LPIN1: variants seen among roughly 807,000 people sequenced by gnomAD.
LPIN1 encodes phosphatidate phosphatase LPIN1.
LPIN1 carries 71 observed loss-of-function variants against 107.5 expected under a neutral mutation model. The ratio of observed to expected loss-of-function variants is 0.66; its 90% confidence interval spans 0.55 to 0.80. The LOEUF (loss-of-function observed/expected upper bound fraction) is 0.80, where lower values mean the gene tolerates loss of function less well. Among genes scored for constraint, LPIN1 ranks in the 30% least tolerant of loss-of-function variants. LPIN1 has a pLI of 0.00. For missense variants in LPIN1, 1,043 were observed against 1,160.6 expected (o/e 0.90, Z 1.47); for synonymous variants, 445 against 452.6 (o/e 0.98, Z 0.21).
intron 1 of LPIN1, among the ~76,000 whole-genome samples, chr2:11,704,323 G>A (rs1329386713): frequency 6.6e-6 from 1 of 152,238 alleles, no homozygotes; most frequent in African/African-American, 2.4e-5. Context: ...TGAAGCTTAA[G>A]CCTTCCATAT....
chr2:11,784,799 C>T lies in LPIN1; in HGVS notation c.1359-87C>T, dbSNP rs570638704. On this transcript the variant is annotated intron_variant, in intron 9 of 20. Coordinates refer to ENST00000674199, the MANE Select transcript of LPIN1 (RefSeq NM_001349206.2). ...AGCCGTCTGCGGCTCTGAGGGTGGCCGCGTGCCAGAGCATCACTGGATGGT... is the reference window on the plus strand; with the variant it reads ...AGCCGTCTGCGGCTCTGAGGGTGGCTGCGTGCCAGAGCATCACTGGATGGT... 194 of 1,271,330 alleles carry T rather than the reference C, an allele frequency of 1.5e-4. 1 individual carries two copies. Among genetic ancestry groups the T allele is most frequent in the South Asian group, 3.0e-4 (25 of 84,078 alleles). The allele number at this position is 1,271,330 out of a possible 1,614,324, so 78.8% of individuals were successfully genotyped here.
chr2:11,802,401 ATTGG>A (rs1253490662), intron 14 of LPIN1, among the ~76,000 whole-genome samples: 4 of 152,166 alleles, frequency 2.6e-5, no homozygotes, highest in Admixed American at 2.6e-4. Context: ...TGAGAGAAGA[ATTGG>A]TGAGTCTTTC....
At chr2:11,713,309 T>C (rs1224677842) in intron 1 of LPIN1, among the ~76,000 whole-genome samples, 1 of 152,250 alleles carries the variant, frequency 6.6e-6, no homozygotes, top group Non-Finnish European at 1.5e-5. Context: ...TTCACTCTTT[T>C]GCTCAGGCTG....
chr2:11,743,049 G>C (rs966826529), upstream of LPIN1, among the ~76,000 whole-genome samples: 1 of 152,192 alleles, frequency 6.6e-6, no homozygotes, highest in Non-Finnish European at 1.5e-5. The surrounding 1 kb of genome is among the most constrained non-coding windows in gnomAD (Gnocchi z 4.7). Flanking sequence ...ATCAGTGCAC[G>C]GCCCTTCAGT....
chr2:11,795,478 T>C lies in LPIN1; in HGVS notation c.1877T>C (p.Leu626Ser), dbSNP rs773212266. Reference protein sequence around the residue: ...STGEQPPQLSLATRVKHESSS... With the variant: ...STGEQPPQLSSATRVKHESSS... ...GGAGAGCAACCGCCGCAGCTCAGCT[T>C]GGCCACCAGGTGCGGTAGGAGGCTT... The change falls in exon 14 of 21, where the codon TTG (leucine) becomes TCG (serine). Residue 626 changes from leucine (L) to serine (S), a missense_variant. Leu to Ser is a moderately radical substitution (Grantham distance 145). Coordinates refer to ENST00000674199, the MANE Select transcript of LPIN1 (RefSeq NM_001349206.2). The C allele has an allele frequency of 6.2e-7, 1 of 1,614,142 alleles. No homozygotes were observed. The highest frequency in any genetic ancestry group is 1.1e-5 in the South Asian group (1 of 91,084).
intron 1 of LPIN1, among the ~76,000 whole-genome samples, chr2:11,748,610 G>T (rs1254055595): frequency 1.3e-5 from 2 of 152,210 alleles, no homozygotes; most frequent in African/African-American, 4.8e-5. Context: ...TTGTGGGGTT[G>T]GGACAGTCCT....
At chr2:11,823,020 C>T (rs1681814777) in intron 20 of LPIN1, 1 of 152,200 alleles carries the variant, frequency 6.6e-6, no homozygotes, top group South Asian at 2.1e-4. Context: ...CCCCAGGAAG[C>T]TCACATTTCT....
intron 1 of LPIN1, among the ~76,000 whole-genome samples, chr2:11,726,919 A>G (rs970458578): frequency 2.0e-5 from 3 of 152,124 alleles, no homozygotes; most frequent in Non-Finnish European, 2.9e-5. Flanking sequence ...GGTTTGTATA[A>G]TGTTTTCACG....
At chr2:11,787,934 C>A (rs1195585981) in intron 11 of LPIN1, among the ~76,000 whole-genome samples, 2 of 144,496 alleles carry the variant, frequency 1.4e-5, no homozygotes, top group African/African-American at 5.4e-5. Flanking sequence ...GAGCAAGACT[C>A]TGTCTCAAAA....
At chr2:11,820,385 CT>C in intron 19 of LPIN1, 25 bp from the exon 20 acceptor site, 2 of 1,460,620 alleles carry the variant, frequency 1.4e-6, no homozygotes, top group South Asian at 1.1e-5. Context: ...CTAATGAACA[CT>C]TTAAATCACC....
intron 13 of LPIN1, 33 bp from the exon 14 acceptor site, chr2:11,795,375 A>G: frequency 6.4e-7 from 1 of 1,574,764 alleles, no homozygotes; most frequent in Non-Finnish European, 8.7e-7. Flanking sequence ...TCTCTGTGGT[A>G]CTTCTGTGAC....
intron 17 of LPIN1, among the ~76,000 whole-genome samples, chr2:11,806,221 A>G (rs982213886): frequency 6.6e-6 from 1 of 152,252 alleles, no homozygotes; most frequent in African/African-American, 2.4e-5. Context: ...ATGGGCCACC[A>G]TCCAGAGCTG....
chr2:11,785,020 C>G lies in LPIN1; in HGVS notation c.1493C>G (p.Pro498Arg), dbSNP rs751352414. 3.7e-6 allele frequency: 6 copies of G among 1,608,936 alleles called. No individual in the cohort carries two copies. The Admixed American group carries it at 5.0e-5, about 13-fold the overall frequency. ...ESTSDGLRDL[P>R]SIAISLCGGL... ...ACCTCGGACGGGCTGAGGGACCTCC[C>G]TTCCATCGCCATCTCCCTCTGCGGG... The change falls in exon 10 of 21, where the codon CCT becomes CGT. Residue 498 changes from proline (P) to arginine (R), a missense_variant. Transcript: ENST00000674199.
At chr2:11,746,587 C>A, upstream of LPIN1, 1 of 978,200 alleles carries the variant, frequency 1.0e-6, no homozygotes, top group Non-Finnish European at 1.2e-6. Context: ...CCGCCCCTGC[C>A]CCGCCCCCGA....
At chr2:11,680,303 C>T (rs1661645324) in intron 1 of LPIN1, among the ~76,000 whole-genome samples, 1 of 152,186 alleles carries the variant, frequency 6.6e-6, no homozygotes, top group African/African-American at 2.4e-5. Context: ...GAGGCACCTG[C>T]TAAGTTGGCA....
chr2:11,787,012 G>GC, intron 10 of LPIN1, 62 bp from the exon 11 acceptor site: 1 of 1,091,080 alleles, frequency 9.2e-7, no homozygotes, highest in Non-Finnish European at 1.4e-6. Flanking sequence ...TGAAAGGTAG[G>GC]CCTAATTTTG....
chr2:11,793,153 A>G (rs1385302531), intron 13 of LPIN1, among the ~76,000 whole-genome samples: 1 of 152,130 alleles, frequency 6.6e-6, no homozygotes, highest in Non-Finnish European at 1.5e-5. Flanking sequence ...GATTCTTGTG[A>G]GTTCTTCCAT....
At chr2:11,792,231 T>C (rs1572861737) in intron 13 of LPIN1, 1 of 509,594 alleles carries the variant, frequency 2.0e-6, no homozygotes, top group Admixed American at 3.0e-5. Context: ...GCTCTGTAAC[T>C]GTTGGGAGAC....
intron 3 of LPIN1, among the ~76,000 whole-genome samples, chr2:11,769,428 T>C (rs1160220769): frequency 6.6e-6 from 1 of 152,196 alleles, no homozygotes; most frequent in Non-Finnish European, 1.5e-5. Flanking sequence ...GTGTTGTTTT[T>C]CTTTTTTACT....
Sources: gnomAD v4.1 joint callset for allele counts (sites outside exome capture counted in the v4.1 genomes callset) on GRCh38, gnomAD v4.1.1 for gene constraint, Gnocchi (gnomAD v3.1) non-coding constraint, MANE v1.5 for transcripts, NCBI Gene and HGNC (gene_info 2026-07-23, HGNC 2026-07-21) for gene names.